Variants in PLCG2 observed in about 807,000 individuals in gnomAD.
PLCG2 encodes the protein phospholipase C gamma 2, also known as 1-phosphatidylinositol 4,5-bisphosphate phosphodiesterase gamma-2.
PLCG2 carries 69 observed loss-of-function variants against 175.6 expected under a neutral mutation model. The ratio of observed to expected loss-of-function variants is 0.39; its 90% CI spans 0.32 to 0.48. The LOEUF is 0.48. PLCG2 is among the 20% of genes least tolerant of loss of function. PLCG2 has a pLI of 0.91. For synonymous variants in PLCG2, 827 were observed against 624.0 expected, an observed-to-expected ratio of 1.33 and a Z score of -4.85; for missense variants, 1,798 against 1,650.9, an observed-to-expected ratio of 1.09 and a Z score of -1.54.
At chr16:81,940,095 C>G in intron 30 of PLCG2, 36 bp downstream of exon 30, 1 of 1,562,946 alleles carries the variant, frequency 6.4e-7, no homozygotes, top group East Asian at 2.3e-5. Flanking sequence ...TCGATTTGGG[C>G]TGGCGTTGTA....
chr16:81,868,906 A>C (rs1907375980), intron 5 of PLCG2, among the ~76,000 whole-genome samples: 1 of 152,022 alleles, frequency 6.6e-6, no homozygotes, highest in South Asian at 2.1e-4. Context: ...TGTACGCTAT[A>C]AATCTCTTAT....
intron 5 of PLCG2, among the ~76,000 whole-genome samples, chr16:81,861,232 A>G (rs1360455989): frequency 2.6e-5 from 4 of 152,058 alleles, no homozygotes. Flanking sequence ...TCCTATGTGG[A>G]TATGTCATTA....
intron 4 of PLCG2, 41 bp downstream of exon 4, chr16:81,858,397 C>G (rs1391696982): frequency 2.2e-6 from 3 of 1,345,976 alleles, no homozygotes; most frequent in South Asian, 1.2e-5. Flanking sequence ...GTTGCTGATT[C>G]CTTTATTCTG....
At chr16:81,801,440 G>A (rs1038617423) in intron 2 of PLCG2, among the ~76,000 whole-genome samples, 2 of 152,154 alleles carry the variant, frequency 1.3e-5, no homozygotes, top group Non-Finnish European at 2.9e-5. Context: ...TTGACCTTGT[G>A]AAGATTTTCC....
At chr16:81,950,083 C>G (rs888572335) in intron 31 of PLCG2, among the ~76,000 whole-genome samples, 1 of 152,068 alleles carries the variant, frequency 6.6e-6, no homozygotes, top group African/African-American at 2.4e-5. Context: ...TGTAAAGAAT[C>G]AGAATAAGTT....
In PLCG2 at chr16:81,943,650, G is replaced by C. The variant is rs563014438; in HGVS notation, c.3482-2525G>C. On this transcript the variant is annotated intron_variant, in intron 30 of 32. Transcript: ENST00000564138. ...CCCCAGACTTCCCAAGTCAGAATCTGCATTTTAACAAGATTCACAGGTGAT... is the reference window on the plus strand; with the variant it reads ...CCCCAGACTTCCCAAGTCAGAATCTCCATTTTAACAAGATTCACAGGTGAT... Among the ~76,000 whole-genome samples, 120 of 152,290 alleles carry C rather than the reference G, an allele frequency of 7.9e-4. 1 individual carries two copies. The highest frequency in any genetic ancestry group is 2.8e-3 in the African/African-American group (118 of 41,568).
At chr16:81,907,419 A>G (rs921071302) in intron 15 of PLCG2, among the ~76,000 whole-genome samples, 1 of 152,208 alleles carries the variant, frequency 6.6e-6, no homozygotes, top group Non-Finnish European at 1.5e-5. Flanking sequence ...AAAGAAAATG[A>G]TGAGGAGTTG....
At position 81,893,120 on chromosome 16, in the gene PLCG2, A is replaced by G. The variant is rs551840306; in HGVS notation, c.987-589A>G. ...GTGATCTGCCCGCCTCAGCCTGCCA[A>G]AGTGCTGGGATTACAGGCATGAGCC... On this transcript the variant is annotated intron_variant, in intron 11 of 32. Coordinates refer to ENST00000564138, the MANE Select transcript of PLCG2 (RefSeq NM_002661.5). Among the ~76,000 whole-genome samples the G allele has an allele frequency of 2.1e-3, 316 of 152,238 alleles. 2 individuals carry two copies. Among genetic ancestry groups the G allele is most frequent in the Middle Eastern group, 0.01 (3 of 294 alleles).
chr16:81,755,707 G>C (rs1909907285), intron 1 of PLCG2: 1 of 151,818 alleles, frequency 6.6e-6, no homozygotes. Context: ...TGTATTTTTA[G>C]TAGAGATGGG....
chr16:81,873,105 C>T (rs1007316719), intron 7 of PLCG2, among the ~76,000 whole-genome samples: 2 of 152,076 alleles, frequency 1.3e-5, no homozygotes, highest in Non-Finnish European at 2.9e-5. Context: ...TATTTGTTTG[C>T]CAAATGAAAT....
At chr16:81,904,595 C>T (rs867593366) in intron 14 of PLCG2, among the ~76,000 whole-genome samples, 2 of 152,234 alleles carry the variant, frequency 1.3e-5, no homozygotes, top group Non-Finnish European at 2.9e-5. Context: ...CAGCCTGTTC[C>T]CTCTGGACTG....
Position 81,877,413 on chromosome 16 carries a change from C to T in PLCG2, c.649-3497C>T, listed in dbSNP as rs566779327. Among the ~76,000 whole-genome samples, 6 of 152,302 alleles carry T rather than the reference C, an allele frequency of 3.9e-5. No individual in the cohort carries two copies. The South Asian group carries it at 1.2e-3, about 32-fold the overall frequency. ...GAACTTACAGTGAGCCGAGATTGCG[C>T]CACTGCACTCCAGCCTGGGCGACAC... On this transcript the variant is annotated intron_variant, in intron 7 of 32. Transcript: ENST00000564138.
chr16:81,751,039 A>AG (rs1199573071), intron 1 of PLCG2, among the ~76,000 whole-genome samples: 2 of 122,370 alleles, frequency 1.6e-5, no homozygotes, highest in African/African-American at 6.4e-5. Flanking sequence ...GGAGTACGGT[A>AG]GTGCAATCTT....
At position 81,948,067 on chromosome 16, in the gene PLCG2, C is replaced by T. The variant is rs560510238; in HGVS notation, c.3570+1804C>T. 7.3e-4 allele frequency among the ~76,000 whole-genome samples: 103 copies of T among 140,936 alleles called. 1 individual carries two copies. The highest frequency in any genetic ancestry group is 2.3e-3 in the African/African-American group (94 of 40,668). 92.5% of individuals were successfully genotyped at this position (140,936 alleles called of 152,430 possible). A position where few individuals can be genotyped will look rare whatever the true frequency, so the allele number is the denominator to read the frequency against. On this transcript the variant is annotated intron_variant, in intron 31 of 32. Coordinates refer to ENST00000564138, the MANE Select transcript of PLCG2 (RefSeq NM_002661.5). ...TGCTCCTACTAACGGAGAGTCAAGT[C>T]GTTGGCAGTTCTTTACTTTATAAAT...
chr16:81,773,931 G>C (rs1300227880), intron 2 of PLCG2, among the ~76,000 whole-genome samples: 3 of 152,030 alleles, frequency 2.0e-5, no homozygotes, highest in African/African-American at 7.2e-5. Flanking sequence ...GATGGTTGCT[G>C]CTATATCCCT....
At chr16:81,902,664 A>C (rs187697223) in intron 14 of PLCG2, among the ~76,000 whole-genome samples, 8 of 152,034 alleles carry the variant, frequency 5.3e-5, no homozygotes, top group African/African-American at 1.9e-4. Context: ...CTCTACCCTC[A>C]TTCCCGTTCA....
chr16:81,862,131 C>T (rs1215729580), intron 5 of PLCG2, among the ~76,000 whole-genome samples: 2 of 152,230 alleles, frequency 1.3e-5, no homozygotes, highest in Non-Finnish European at 2.9e-5. Flanking sequence ...GCCAATTTCC[C>T]TCCCTTTCCT....
intron 2 of PLCG2, among the ~76,000 whole-genome samples, chr16:81,840,752 A>G (rs147525931): frequency 6.6e-6 from 1 of 152,260 alleles, no homozygotes; most frequent in East Asian, 1.9e-4. Flanking sequence ...CGGGCCACAG[A>G]CAGGTGCCAG....
chr16:81,881,070 G>C, intron 8 of PLCG2, 117 bp downstream of exon 8: 2 of 1,011,804 alleles, frequency 2.0e-6, no homozygotes, highest in Middle Eastern at 2.6e-4. Context: ...CAAAGGGGCA[G>C]GGGGCCCCTG....
Sources: allele counts gnomAD v4.1 joint callset (sites outside exome capture counted in the v4.1 genomes callset), GRCh38; gene constraint gnomAD v4.1.1; transcripts MANE v1.5; gene names NCBI Gene and HGNC (gene_info 2026-07-23, HGNC 2026-07-21).